The following ATXN1 variants were observed in gnomAD, a reference collection of about 807,000 sequenced individuals.
ATXN1 encodes the protein ataxin-1.
In ATXN1, 8 loss-of-function variants were observed where a neutral mutation model predicts 56.4. The observed-to-expected ratio is 0.14, with a 90% CI of 0.08 to 0.26. ATXN1 has a LOEUF of 0.26. Among genes scored for constraint, ATXN1 ranks in the 10% least tolerant of loss-of-function variants. ATXN1 has a pLI of 1.00. For synonymous variants in ATXN1, 514 were observed against 494.6 expected (o/e 1.04, Z -0.52); for missense variants, 987 against 1,106.5 (o/e 0.89, Z 1.53).
chr6:16,587,405 A>G (rs1341413755), intron 3 of ATXN1, among the ~76,000 whole-genome samples: 1 of 152,248 alleles, frequency 6.6e-6, no homozygotes, highest in Non-Finnish European at 1.5e-5. Flanking sequence ...ATTCTTAAAC[A>G]TGTTTACCTG....
In ATXN1 at chr6:16,732,085, A is replaced by G. The variant is rs749169226; in HGVS notation, c.-615+21148T>C. 3.4e-4 allele frequency among the ~76,000 whole-genome samples: 52 copies of G among 152,200 alleles called. 1 individual carries two copies. Among genetic ancestry groups the G allele is most frequent in the Non-Finnish European group, 5.3e-4 (36 of 68,040 alleles). ...AGCATGTTTTTGAGACAATGGACTA[A>G]CTGCAACAAAGTGTCATATGTAGCT... is the stretch of plus-strand genomic sequence containing the variant. On this transcript the variant is annotated intron_variant, in intron 2 of 7. Coordinates refer to ENST00000436367, the MANE Select transcript of ATXN1 (RefSeq NM_001128164.2).
Position 16,327,849 on chromosome 6 carries a change from G to A in ATXN1, c.462C>T (p.Pro154=), listed in dbSNP as rs200816377. The A allele has an allele frequency of 2.6e-4, 416 of 1,608,082 alleles. 1 individual carries two copies. Among genetic ancestry groups the A allele is most frequent in the East Asian group, 1.4e-3 (63 of 44,880 alleles). Reference sequence around the variant, plus strand: ...CGGCCGAGGCCACTGCACTGGTGACGGGGTTGGCGGTTGGGGGGATCAGCT... The same window carrying A: ...CGGCCGAGGCCACTGCACTGGTGACAGGGTTGGCGGTTGGGGGGATCAGCT... The part of the protein sequence containing the change: ...PSQLIPPTAN[P]VTSAVASAAG... The change falls in exon 7 of 8, where the codon CCC becomes CCT. Residue 154 remains proline (P), a synonymous_variant. Coordinates refer to ENST00000436367, the MANE Select transcript of ATXN1 (RefSeq NM_001128164.2).
At chr6:16,459,208 G>A (rs1759942166) in intron 6 of ATXN1, among the ~76,000 whole-genome samples, 1 of 152,164 alleles carries the variant, frequency 6.6e-6, no homozygotes, top group African/African-American at 2.4e-5. Flanking sequence ...TGGGGAACAA[G>A]TTACCCATTT....
intron 6 of ATXN1, among the ~76,000 whole-genome samples, chr6:16,409,652 CAAAA>C (rs542201666): frequency 1.9e-5 from 2 of 106,096 alleles, no homozygotes; most frequent in African/African-American, 3.4e-5. Context: ...GACTAGGTCT[CAAAA>C]AAAAAAAAAA....
At chr6:16,694,034 T>C (rs1406668698) in intron 2 of ATXN1, among the ~76,000 whole-genome samples, 1 of 152,172 alleles carries the variant, frequency 6.6e-6, no homozygotes, top group East Asian at 1.9e-4. Flanking sequence ...CAATGAAAAA[T>C]TTAATCTACC....
chr6:16,357,725 A>C (rs1761720973), intron 6 of ATXN1, among the ~76,000 whole-genome samples: 2 of 152,184 alleles, frequency 1.3e-5, no homozygotes, highest in Admixed American at 6.5e-5. Flanking sequence ...TAGCGACAAT[A>C]AACATGGAAG....
chr6:16,611,864 T>TTTA (rs1561778238), intron 3 of ATXN1, among the ~76,000 whole-genome samples: 13 of 132,168 alleles, frequency 9.8e-5, no homozygotes, highest in Non-Finnish European at 6.5e-5. Context: ...TTTTTTTTTT[T>TTTA]TTTTTTTTTT....
intron 6 of ATXN1, among the ~76,000 whole-genome samples, chr6:16,336,274 G>A (rs1761121335): frequency 6.6e-6 from 1 of 152,136 alleles, no homozygotes; most frequent in East Asian, 1.9e-4. Context: ...TGGCTATGGC[G>A]ATGGCAGCCT....
intron 5 of ATXN1, among the ~76,000 whole-genome samples, chr6:16,510,524 C>T (rs893935168): frequency 6.6e-6 from 1 of 152,062 alleles, no homozygotes; most frequent in Non-Finnish European, 1.5e-5. Context: ...TCACTTGAGT[C>T]CAGGAGTTCA....
At chr6:16,754,124 G>C (rs984877673) in intron 1 of ATXN1, 1 of 152,056 alleles carries the variant, frequency 6.6e-6, no homozygotes, top group Non-Finnish European at 1.5e-5. Flanking sequence ...TTGAGGACTC[G>C]ATCTGCTAAC....
chr6:16,542,785 T>C (rs1237208993), intron 4 of ATXN1, among the ~76,000 whole-genome samples: 1 of 152,176 alleles, frequency 6.6e-6, no homozygotes, highest in East Asian at 1.9e-4. Flanking sequence ...CCTATACATA[T>C]ACACCCATGA....
In ATXN1 at chr6:16,526,503, G is replaced by A. The variant is rs191540396; in HGVS notation, c.-360-3815C>T. Among the ~76,000 whole-genome samples the A allele has an allele frequency of 5.6e-3, 859 of 152,286 alleles. 7 individuals carry two copies. The highest frequency in any genetic ancestry group is 0.028 in the South Asian group (137 of 4,830). ...TAGGTGGCCGGACGCGGTGGCTCACGCCTGTAATCCCAGCACTTTGGGAGG... is the reference window on the plus strand; with the variant it reads ...TAGGTGGCCGGACGCGGTGGCTCACACCTGTAATCCCAGCACTTTGGGAGG... On this transcript the variant is annotated intron_variant, in intron 4 of 7. Coordinates refer to ENST00000436367, the MANE Select transcript of ATXN1 (RefSeq NM_001128164.2).
chr6:16,442,100 T>C (rs1759529119), intron 6 of ATXN1, among the ~76,000 whole-genome samples: 2 of 152,174 alleles, frequency 1.3e-5, no homozygotes. Flanking sequence ...ATGACTGAGT[T>C]ACCTATAAGG....
At chr6:16,491,258 A>AATTACT in intron 5 of ATXN1, among the ~76,000 whole-genome samples, 1 of 107,430 alleles carries the variant, frequency 9.3e-6, no homozygotes, top group East Asian at 2.4e-4. Flanking sequence ...ACACCTGGCT[A>AATTACT]ATTATTATTA....
intron 7 of ATXN1, among the ~76,000 whole-genome samples, chr6:16,312,322 A>T (rs1760411640): frequency 6.6e-6 from 1 of 152,200 alleles, no homozygotes; most frequent in Non-Finnish European, 1.5e-5. Context: ...AACTCCAAAG[A>T]CACCACTCTT....
At chr6:16,309,243 T>A (rs967550254) in intron 7 of ATXN1, among the ~76,000 whole-genome samples, 76 of 145,032 alleles carry the variant, frequency 5.2e-4, no homozygotes, top group Admixed American at 1.2e-3. Context: ...AAAAAAAAAA[T>A]AAATAATAAT....
At chr6:16,472,756 A>T (rs1022356463) in intron 6 of ATXN1, among the ~76,000 whole-genome samples, 1 of 152,174 alleles carries the variant, frequency 6.6e-6, no homozygotes, top group South Asian at 2.1e-4. Flanking sequence ...CCTGTCTTTG[A>T]AAATGCATCC....
chr6:16,445,504 T>A (rs1759614699), intron 6 of ATXN1, among the ~76,000 whole-genome samples: 1 of 152,046 alleles, frequency 6.6e-6, no homozygotes, highest in South Asian at 2.1e-4. Context: ...ATGTGTTTGA[T>A]ATTTCTTTTT....
intron 6 of ATXN1, among the ~76,000 whole-genome samples, chr6:16,458,154 T>C (rs969519027): frequency 3.9e-5 from 6 of 152,108 alleles, no homozygotes; most frequent in Admixed American, 6.6e-5. Context: ...AATGACAAAA[T>C]GACAGCCGAA....
Sources: gnomAD v4.1 joint callset for allele counts (sites outside exome capture counted in the v4.1 genomes callset) on GRCh38, gnomAD v4.1.1 for gene constraint, MANE v1.5 for transcripts, NCBI Gene and HGNC (gene_info 2026-07-23, HGNC 2026-07-21) for gene names.